FAM177A1: variants seen among roughly 807,000 people sequenced by gnomAD.
The protein encoded by FAM177A1 is family with sequence similarity 177 member A1.
A neutral mutation model predicts 26.1 loss-of-function variants in FAM177A1; 22 were observed. That is an observed-to-expected ratio of 0.84 (90% confidence interval 0.60 to 1.20). The LOEUF (loss-of-function observed/expected upper bound fraction) is 1.20, where lower values mean the gene tolerates loss of function less well. Ranked by LOEUF, FAM177A1 falls within the 50% of genes most tolerant of loss-of-function variation. FAM177A1 has a pLI of 0.00. For synonymous variants in FAM177A1, 95 were observed against 99.3 expected, an observed-to-expected ratio of 0.96 and a Z score of 0.26; for missense variants, 296 against 291.1, an observed-to-expected ratio of 1.02 and a Z score of -0.12.
intron 4 of FAM177A1, among the ~76,000 whole-genome samples, chr14:35,079,593 C>T (rs2045448445): frequency 6.6e-6 from 1 of 152,178 alleles, no homozygotes; most frequent in South Asian, 2.1e-4. Flanking sequence ...CCACTTAAAA[C>T]TTTGTAACCT....
At chr14:35,047,267 A>T (rs1368607395) in intron 1 of FAM177A1, among the ~76,000 whole-genome samples, 7 of 152,230 alleles carry the variant, frequency 4.6e-5, no homozygotes, top group Non-Finnish European at 8.8e-5. Context: ...TTATCAAAAC[A>T]ATTTCAACCT....
intron 2 of FAM177A1, among the ~76,000 whole-genome samples, chr14:35,065,388 A>G: frequency 7.1e-6 from 1 of 140,130 alleles, no homozygotes; most frequent in Non-Finnish European, 1.5e-5. Flanking sequence ...GCTAGACAAC[A>G]TTCTCATTTC....
chr14:35,061,059 C>G (rs894837277), intron 2 of FAM177A1, among the ~76,000 whole-genome samples: 1 of 145,170 alleles, frequency 6.9e-6, no homozygotes, highest in Non-Finnish European at 1.5e-5. Flanking sequence ...TAAAATTTAT[C>G]ATAGGCATGT....
intron 2 of FAM177A1, among the ~76,000 whole-genome samples, chr14:35,074,411 C>T (rs564676934): frequency 5.9e-5 from 9 of 152,234 alleles, no homozygotes; most frequent in East Asian, 1.9e-4. Context: ...CTGCAACCTC[C>T]GCCTCCCAGA....
In FAM177A1 at chr14:35,058,185, T is replaced by C. The variant is rs541326752; in HGVS notation, c.339+4734T>C. Among the ~76,000 whole-genome samples, 162 of 152,242 alleles carry C rather than the reference T, an allele frequency of 1.1e-3. 1 individual carries two copies. Among genetic ancestry groups the C allele is most frequent in the African/African-American group, 3.6e-3 (148 of 41,544 alleles). On this transcript the variant is annotated intron_variant, in intron 2 of 4. Transcript: ENST00000280987. ...GCCTCCCAGGTTCAAGTGATTCTCA[T>C]GCTTCAGCCTCCCATGTAGCTGAGA... is the stretch of plus-strand genomic sequence containing the variant.
intron 2 of FAM177A1, among the ~76,000 whole-genome samples, chr14:35,075,707 A>T (rs1391159027): frequency 6.6e-6 from 1 of 152,240 alleles, no homozygotes; most frequent in Non-Finnish European, 1.5e-5. Context: ...TAATCTGACA[A>T]AGGGCTAATA....
At chr14:35,046,676 T>C in intron 1 of FAM177A1, 48 bp downstream of exon 1, 1 of 1,496,674 alleles carries the variant, frequency 6.7e-7, no homozygotes. Flanking sequence ...AGCCGCCTCC[T>C]TGCCTTCTCC....
chr14:35,076,370 CT>C (rs1163575863), intron 2 of FAM177A1, among the ~76,000 whole-genome samples: 4 of 151,818 alleles, frequency 2.6e-5, no homozygotes, highest in Non-Finnish European at 5.9e-5. Flanking sequence ...CATGTTCTCA[CT>C]CTTAGGTGGG....
At chr14:35,058,876 AG>A (rs2045103607) in intron 2 of FAM177A1, among the ~76,000 whole-genome samples, 1 of 152,122 alleles carries the variant, frequency 6.6e-6, no homozygotes, top group Non-Finnish European at 1.5e-5. Flanking sequence ...ACCTTGCCTC[AG>A]AAAAAAAAGG....
chr14:35,072,600 T>G (rs2045339393), intron 2 of FAM177A1, among the ~76,000 whole-genome samples: 1 of 152,204 alleles, frequency 6.6e-6, no homozygotes, highest in Non-Finnish European at 1.5e-5. Flanking sequence ...TGCTTTAGTT[T>G]CATTGCCTGT....
intron 4 of FAM177A1, among the ~76,000 whole-genome samples, chr14:35,080,113 A>C (rs1039389187): frequency 2.0e-5 from 3 of 152,048 alleles, no homozygotes; most frequent in African/African-American, 7.2e-5. Flanking sequence ...TGTACTGACT[A>C]CCCGTTCTGC....
chr14:35,074,154 A>AT (rs1252981449), intron 2 of FAM177A1, among the ~76,000 whole-genome samples: 1 of 152,160 alleles, frequency 6.6e-6, no homozygotes, highest in South Asian at 2.1e-4. Flanking sequence ...TTATTTATTT[A>AT]TTTTTTGTGA....
intron 2 of FAM177A1, among the ~76,000 whole-genome samples, chr14:35,054,235 CAA>C (rs2045024623): frequency 6.6e-6 from 1 of 152,054 alleles, no homozygotes; most frequent in African/African-American, 2.4e-5. Context: ...CAAAACAAAA[CAA>C]AAGTTTGCTT....
chr14:35,049,600 G>A (rs527890096), intron 1 of FAM177A1, among the ~76,000 whole-genome samples: 7 of 152,142 alleles, frequency 4.6e-5, no homozygotes, highest in South Asian at 2.1e-4. Context: ...CCTGGCCAAC[G>A]TGATGAAACC....
chr14:35,071,545 ACTT>A (rs1300270018), intron 2 of FAM177A1, among the ~76,000 whole-genome samples: 1 of 151,918 alleles, frequency 6.6e-6, no homozygotes, highest in Admixed American at 6.6e-5. Context: ...GACTCTAGCT[ACTT>A]CTTTTTTTTG....
At chr14:35,055,958 G>A (rs1406161962) in intron 2 of FAM177A1, among the ~76,000 whole-genome samples, 2 of 152,070 alleles carry the variant, frequency 1.3e-5, no homozygotes, top group Non-Finnish European at 2.9e-5. Flanking sequence ...TCCCTTGATG[G>A]TCAGTGATGT....
intron 1 of FAM177A1, among the ~76,000 whole-genome samples, chr14:35,049,458 C>T (rs1027350076): frequency 3.3e-5 from 5 of 152,144 alleles, no homozygotes; most frequent in African/African-American, 9.6e-5. Flanking sequence ...AGTCTGGGTG[C>T]CATGGGAGTA....
At chr14:35,075,900 TCA>T (rs1464475845) in intron 2 of FAM177A1, among the ~76,000 whole-genome samples, 1 of 152,098 alleles carries the variant, frequency 6.6e-6, no homozygotes, top group African/African-American at 2.4e-5. Context: ...ACATACCATC[TCA>T]CACCAGTTAG....
intron 2 of FAM177A1, among the ~76,000 whole-genome samples, chr14:35,068,458 C>G (rs1357667529): frequency 6.6e-6 from 1 of 152,152 alleles, no homozygotes; most frequent in African/African-American, 2.4e-5. Context: ...TGTCCTCTGG[C>G]TTTTTATTGA....
Sources: allele counts gnomAD v4.1 joint callset (sites outside exome capture counted in the v4.1 genomes callset), GRCh38; gene constraint gnomAD v4.1.1; transcripts MANE v1.5; gene names NCBI Gene and HGNC (gene_info 2026-07-23, HGNC 2026-07-21).